Variants in TMSB15B observed in about 807,000 individuals in gnomAD.
The protein encoded by TMSB15B is thymosin beta-15B.
intron 1 of TMSB15B, among the ~76,000 whole-genome samples, chrX:103,923,342 A>C (rs1381476417): frequency 4.5e-5 from 5 of 111,850 alleles, no homozygotes; most frequent in African/African-American, 6.5e-5. Context: ...TTAGGTCTAA[A>C]ATTTAAGTCT....
chrX:103,943,696 C>T (rs1406130425), intron 1 of TMSB15B, among the ~76,000 whole-genome samples: 3 of 111,870 alleles, frequency 2.7e-5, no homozygotes, highest in South Asian at 3.7e-4. Flanking sequence ...TTATGAATCT[C>T]GATGTCCCAA....
chrX:103,942,506 A>T (rs1476614645), intron 1 of TMSB15B, among the ~76,000 whole-genome samples: 1 of 112,029 alleles, frequency 8.9e-6, no homozygotes, highest in Non-Finnish European at 1.9e-5. Flanking sequence ...TTGCCTTATT[A>T]CCTGTAACAG....
intron 1 of TMSB15B, among the ~76,000 whole-genome samples, chrX:103,953,065 T>C (rs1260501889): frequency 9.0e-6 from 1 of 111,121 alleles, no homozygotes; most frequent in East Asian, 2.8e-4. Flanking sequence ...ACTTGACCCA[T>C]GGAGAATGGA....
At chrX:103,945,236 A>G (rs1361817974) in intron 1 of TMSB15B, among the ~76,000 whole-genome samples, 1 of 112,483 alleles carries the variant, frequency 8.9e-6, no homozygotes, top group Non-Finnish European at 1.9e-5. Context: ...TTGTGTTGCT[A>G]TAAGTGAATA....
chrX:103,923,174 G>T (rs1362221613), intron 1 of TMSB15B, among the ~76,000 whole-genome samples: 1 of 111,893 alleles, frequency 8.9e-6, no homozygotes, highest in Non-Finnish European at 1.9e-5. Flanking sequence ...TCTGATGGTA[G>T]TTTCTTTTGC....
intron 1 of TMSB15B, chrX:103,928,487 C>A: frequency 8.3e-7 from 1 of 1,202,937 alleles, no homozygotes; most frequent in Non-Finnish European, 1.1e-6. Context: ...GAGGCTGTGG[C>A]ACTCAGCCCC....
rs2147817852 is a variant in TMSB15B, at chrX:103,928,486, G to C, written c.-721+9194G>C. 4.2e-6 allele frequency: 5 copies of C among 1,203,346 alleles called. No individual in the cohort carries two copies. In the South Asian group the frequency reaches 7.1e-5, roughly 17 times the overall value. On this transcript the variant is annotated intron_variant, in intron 1 of 3. Transcript: ENST00000419165. Reference sequence around the variant, plus strand: ...CATGTCTGGCCTGGTGGAGGCTGTGGCACTCAGCCCCTTTGAAAGGGTGCA... The same window carrying C: ...CATGTCTGGCCTGGTGGAGGCTGTGCCACTCAGCCCCTTTGAAAGGGTGCA...
intron 1 of TMSB15B, among the ~76,000 whole-genome samples, chrX:103,955,067 C>T (rs1272620164): frequency 1.8e-5 from 2 of 111,130 alleles, no homozygotes; most frequent in South Asian, 3.9e-4. Flanking sequence ...CTTCCAGAAA[C>T]GAAGCCAGAT....
chrX:103,946,760 TA>T (rs1242625814), intron 1 of TMSB15B, among the ~76,000 whole-genome samples: 1 of 111,467 alleles, frequency 9.0e-6, no homozygotes, highest in Non-Finnish European at 1.9e-5. Context: ...TCCAGATATA[TA>T]AAAGACCAAA....
At chrX:103,948,408 C>A (rs2075031030) in intron 1 of TMSB15B, among the ~76,000 whole-genome samples, 1 of 111,748 alleles carries the variant, frequency 8.9e-6, no homozygotes, top group South Asian at 3.8e-4. Flanking sequence ...GTTGAAGATG[C>A]ATGTACTATG....
Position 103,951,720 on chromosome X carries a change from A to G in TMSB15B, c.-720-10301A>G, listed in dbSNP as rs782019747. On this transcript the variant is annotated intron_variant, in intron 1 of 3. Transcript: ENST00000419165. Reference sequence around the variant, plus strand: ...GCAGGATAGTGGAGGGTATATGTAGACGAGTGGTTGTAAAGACTGAGCATG... The same window carrying G: ...GCAGGATAGTGGAGGGTATATGTAGGCGAGTGGTTGTAAAGACTGAGCATG... Among the ~76,000 whole-genome samples, 294 of 111,175 alleles carry G rather than the reference A, an allele frequency of 2.6e-3. 1 individual carries two copies. Among genetic ancestry groups the G allele is most frequent in the African/African-American group, 8.8e-3 (270 of 30,540 alleles).
intron 1 of TMSB15B, among the ~76,000 whole-genome samples, chrX:103,943,048 A>C (rs1178391375): frequency 2.7e-5 from 3 of 111,733 alleles, no homozygotes; most frequent in Non-Finnish European, 5.7e-5. Flanking sequence ...AACCTTAAAA[A>C]ATTTATTATG....
chrX:103,929,068 G>T (rs1215808863), intron 1 of TMSB15B: 1 of 1,048,494 alleles, frequency 9.5e-7, no homozygotes, highest in Non-Finnish European at 1.3e-6. Flanking sequence ...ATCTTCCCTG[G>T]TTGGTTCTAT....
chrX:103,928,550 C>A, intron 1 of TMSB15B: 2 of 1,183,534 alleles, frequency 1.7e-6, no homozygotes, highest in Non-Finnish European at 2.3e-6. Context: ...GCTCGCTTAC[C>A]CAGCACCTTC....
intron 1 of TMSB15B, among the ~76,000 whole-genome samples, chrX:103,955,870 A>C (rs782515085): frequency 1.3e-4 from 15 of 111,661 alleles, no homozygotes; most frequent in Non-Finnish European, 2.4e-4. Flanking sequence ...AAAATGAAAG[A>C]AAAAATGTTA....
intron 1 of TMSB15B, among the ~76,000 whole-genome samples, chrX:103,951,740 A>G (rs2075039723): frequency 9.0e-6 from 1 of 111,209 alleles, no homozygotes; most frequent in Non-Finnish European, 1.9e-5. Flanking sequence ...GTAAAGACTG[A>G]GCATGACATC....
chrX:103,927,288 C>G lies in TMSB15B; in HGVS notation c.-721+7996C>G, dbSNP rs782344964. On this transcript the variant is annotated intron_variant, in intron 1 of 3. Coordinates refer to the TMSB15B transcript ENST00000419165. ...GCTACCAGCACGCACTCAGCCGAAGCCAGGAAGCCTCTGAATATCCTCCAA... is the reference window on the plus strand; with the variant it reads ...GCTACCAGCACGCACTCAGCCGAAGGCAGGAAGCCTCTGAATATCCTCCAA... 4.1e-3 allele frequency among the ~76,000 whole-genome samples: 463 copies of G among 112,159 alleles called. 5 individuals carry two copies. The highest frequency in any genetic ancestry group is 0.014 in the African/African-American group (440 of 30,840).
chrX:103,955,476 AC>A (rs1402338962), intron 1 of TMSB15B, among the ~76,000 whole-genome samples: 18 of 110,275 alleles, frequency 1.6e-4, no homozygotes, highest in African/African-American at 5.3e-4. Flanking sequence ...AAAACACACT[AC>A]AAGAATTTCA....
At chrX:103,920,224 G>C (rs782137118) in intron 1 of TMSB15B, among the ~76,000 whole-genome samples, 1 of 111,938 alleles carries the variant, frequency 8.9e-6, no homozygotes, top group South Asian at 3.8e-4. Context: ...AATTTGGACC[G>C]AATCTCTGAA....
Sources: gnomAD v4.1 joint callset for allele counts (sites outside exome capture counted in the v4.1 genomes callset) on GRCh38, gnomAD v4.1.1 for gene constraint, MANE v1.5 for transcripts, NCBI Gene and HGNC (gene_info 2026-07-23, HGNC 2026-07-21) for gene names.